ZFAT: variants seen among roughly 807,000 people sequenced by gnomAD.
ZFAT encodes the protein zinc finger protein ZFAT.
ZFAT carries 64 observed loss-of-function variants against 117.7 expected under a neutral mutation model. That is an observed-to-expected ratio of 0.54 (90% confidence interval 0.44 to 0.67). The LOEUF (loss-of-function observed/expected upper bound fraction) is 0.67, where lower values mean the gene tolerates loss of function less well. ZFAT is among the 30% of genes least tolerant of loss of function. The pLI is 0.00. For missense variants in ZFAT, 1,433 were observed against 1,584.5 expected, an observed-to-expected ratio of 0.90 and a Z score of 1.62; for synonymous variants, 679 against 615.0, an observed-to-expected ratio of 1.10 and a Z score of -1.54.
At chr8:134,593,616 G>A (rs940027393) in intron 7 of ZFAT, among the ~76,000 whole-genome samples, 4 of 152,242 alleles carry the variant, frequency 2.6e-5, no homozygotes, top group African/African-American at 4.8e-5. Context: ...GCACGAAGCT[G>A]CAGCATGGCC....
chr8:134,739,780 T>C, the ZFAT span, among the ~76,000 whole-genome samples: 1 of 152,016 alleles, frequency 6.6e-6, no homozygotes, highest in Non-Finnish European at 1.5e-5. Flanking sequence ...GGAGGCAGAG[T>C]GTAGCAGAGG....
At chr8:134,512,357 T>C (rs1257873146) in intron 14 of ZFAT, 118 bp downstream of exon 14, 1 of 1,456,316 alleles carries the variant, frequency 6.9e-7, no homozygotes, top group Non-Finnish European at 9.3e-7. Context: ...GTCTGAACGC[T>C]GGGTCAGGGA....
At chr8:134,695,749 C>T (rs1164934519) in intron 1 of ZFAT, among the ~76,000 whole-genome samples, 3 of 149,726 alleles carry the variant, frequency 2.0e-5, no homozygotes, top group Non-Finnish European at 1.5e-5. Context: ...GCATCTCTAA[C>T]CAAGGTGGCA....
chr8:134,727,737 G>C, the ZFAT span, among the ~76,000 whole-genome samples: 10 of 152,030 alleles, frequency 6.6e-5, no homozygotes, highest in Non-Finnish European at 5.9e-5. Flanking sequence ...CAGTTTTGCA[G>C]GTCGCAGGGT....
the ZFAT span, among the ~76,000 whole-genome samples, chr8:134,802,375 A>G: frequency 6.6e-6 from 1 of 152,260 alleles, no homozygotes; most frequent in South Asian, 2.1e-4. Flanking sequence ...GAAGGGAATC[A>G]CAGAACATGC....
intron 11 of ZFAT, among the ~76,000 whole-genome samples, chr8:134,556,517 A>G (rs1823636735): frequency 6.6e-6 from 1 of 152,114 alleles, no homozygotes; most frequent in Admixed American, 6.5e-5. Flanking sequence ...CCACACCTAG[A>G]CTTGCTGATG....
rs138263762 is a variant in ZFAT at position 134,522,988 on chromosome 8, G to A, written c.3116-1987C>T. Among the ~76,000 whole-genome samples, 172 of 152,272 alleles carry A rather than the reference G, an allele frequency of 1.1e-3. 1 individual carries two copies. The highest frequency in any genetic ancestry group is 3.9e-3 in the African/African-American group (161 of 41,554). ...CCTGCCTATGCCTGGCCTGACACCAGTTGTGGGTGAGAGTTCCCCTCCGCC... is the reference window on the plus strand; with the variant it reads ...CCTGCCTATGCCTGGCCTGACACCAATTGTGGGTGAGAGTTCCCCTCCGCC... On this transcript the variant is annotated intron_variant, in intron 12 of 15. Coordinates refer to ENST00000377838, the MANE Select transcript of ZFAT (RefSeq NM_020863.4).
intron 12 of ZFAT, among the ~76,000 whole-genome samples, chr8:134,521,864 G>A (rs936229297): frequency 5.3e-5 from 8 of 152,162 alleles, no homozygotes; most frequent in Non-Finnish European, 1.2e-4. Flanking sequence ...CTGGGCCAGG[G>A]GAATGAGCCC....
the ZFAT span, among the ~76,000 whole-genome samples, chr8:134,807,627 G>T: frequency 6.6e-6 from 1 of 151,758 alleles, no homozygotes; most frequent in Admixed American, 6.6e-5. Flanking sequence ...TAGCAGGGTG[G>T]TGACAGGGAG....
intron 10 of ZFAT, among the ~76,000 whole-genome samples, chr8:134,567,016 T>C (rs951099857): frequency 1.3e-5 from 2 of 152,192 alleles, no homozygotes; most frequent in Non-Finnish European, 2.9e-5. Context: ...CATCCTTGCA[T>C]ATAACTGACC....
chr8:134,551,689 A>G (rs1823179898), intron 11 of ZFAT, among the ~76,000 whole-genome samples: 1 of 152,222 alleles, frequency 6.6e-6, no homozygotes, highest in Non-Finnish European at 1.5e-5. Flanking sequence ...CCTTGCTGAC[A>G]AAGTTTAGAT....
intron 1 of ZFAT, among the ~76,000 whole-genome samples, chr8:134,687,942 C>T (rs1833408132): frequency 6.6e-6 from 1 of 152,210 alleles, no homozygotes; most frequent in African/African-American, 2.4e-5. Flanking sequence ...GAAAGCCAGC[C>T]TCAGCGCTGA....
intron 15 of ZFAT, among the ~76,000 whole-genome samples, chr8:134,483,265 T>C (rs1400158983): frequency 6.6e-6 from 1 of 152,174 alleles, no homozygotes; most frequent in African/African-American, 2.4e-5. Context: ...GCATTTGTGT[T>C]CCCATTTTAC....
the ZFAT span, among the ~76,000 whole-genome samples, chr8:134,738,678 G>T: frequency 6.6e-6 from 1 of 152,112 alleles, no homozygotes; most frequent in East Asian, 1.9e-4. Context: ...GAATGTAGGG[G>T]TGCAGAGAGG....
intron 15 of ZFAT, among the ~76,000 whole-genome samples, chr8:134,495,584 T>C (rs59807985): frequency 0.097 from 14,721 of 152,220 alleles, 1,102 homozygotes; most frequent in African/African-American, 0.21. Flanking sequence ...TCATGTTAAT[T>C]TGTGTAACTA....
At chr8:134,529,877 C>A (rs1027760386) in intron 12 of ZFAT, among the ~76,000 whole-genome samples, 1 of 152,204 alleles carries the variant, frequency 6.6e-6, no homozygotes, top group Non-Finnish European at 1.5e-5. Context: ...GCTTTGGGAA[C>A]ACACTGTAAA....
upstream of ZFAT, among the ~76,000 whole-genome samples, chr8:134,715,821 A>T (rs193047740): frequency 2.3e-4 from 35 of 152,354 alleles, no homozygotes; most frequent in East Asian, 6.4e-3. Context: ...ACAACTGAAT[A>T]TATTCGTGTC....
chr8:134,564,339 T>C (rs138876017), intron 11 of ZFAT, among the ~76,000 whole-genome samples: 35 of 152,238 alleles, frequency 2.3e-4, no homozygotes, highest in African/African-American at 8.2e-4. Context: ...CATATCCCAG[T>C]AGAACACCCC....
At chr8:134,795,076 A>AG in the ZFAT span, 2 of 152,202 alleles carry the variant, frequency 1.3e-5, no homozygotes, top group African/African-American at 4.8e-5. Flanking sequence ...ATTAGATCAG[A>AG]GGTCTAATTC....
Sources: gnomAD v4.1 joint callset for allele counts (sites outside exome capture counted in the v4.1 genomes callset) on GRCh38, gnomAD v4.1.1 for gene constraint, MANE v1.5 for transcripts, NCBI Gene and HGNC (gene_info 2026-07-23, HGNC 2026-07-21) for gene names.